Variants in TMEFF1 observed in about 807,000 individuals in gnomAD.
The protein encoded by TMEFF1 is tomoregulin-1.
Under a neutral mutation model 47.5 loss-of-function variants are expected in TMEFF1, and 20 were observed. That is an observed-to-expected ratio of 0.42 (90% CI 0.30 to 0.61). The LOEUF (loss-of-function observed/expected upper bound fraction) is 0.61. Among genes scored for constraint, TMEFF1 ranks in the 20% least tolerant of loss-of-function variants. The probability of loss-of-function intolerance (pLI) is 0.19; values close to 1 mark genes in which losing one functional copy is unlikely to be tolerated. For missense variants in TMEFF1, 411 were observed against 471.1 expected (o/e 0.87, Z 1.18); for synonymous variants, 162 against 166.3 (o/e 0.97, Z 0.20).
intron 2 of TMEFF1, among the ~76,000 whole-genome samples, chr9:100,503,612 T>A (rs934806218): frequency 1.3e-5 from 2 of 151,178 alleles, no homozygotes; most frequent in African/African-American, 4.9e-5. Context: ...AGGAATTAGC[T>A]CATTTGATTA....
chr9:100,497,944 A>C (rs1227882611), intron 1 of TMEFF1, among the ~76,000 whole-genome samples: 1 of 150,488 alleles, frequency 6.6e-6, no homozygotes, highest in Non-Finnish European at 1.5e-5. Context: ...TCATTTGTTT[A>C]TTGTTTGCCT....
At position 100,473,518 on chromosome 9, in the gene TMEFF1, G is replaced by A. The variant is rs1282715538; in HGVS notation, c.-27G>A. On this transcript the variant is annotated 5_prime_UTR_variant, in exon 1 of 10. Transcript: ENST00000374879. This position sits in a 1 kb window ranked among gnomAD's most constrained non-coding sequence, Gnocchi z 5.4. ...ATGCCCCCGGCCTGCGGCTCCCTGCGCTTCCCGCCGTCCAGGGGCACCAGT... is the reference window on the plus strand; with the variant it reads ...ATGCCCCCGGCCTGCGGCTCCCTGCACTTCCCGCCGTCCAGGGGCACCAGT... The A allele has an allele frequency of 6.9e-5, 96 of 1,395,984 alleles. No individual in the cohort carries two copies. The highest frequency in any genetic ancestry group is 8.2e-5 in the Non-Finnish European group (88 of 1,077,554). 86.5% of individuals were successfully genotyped at this position (1,395,984 alleles called of 1,614,324 possible).
At chr9:100,518,562 C>A in intron 5 of TMEFF1, 1 of 937,402 alleles carries the variant, frequency 1.1e-6, no homozygotes, top group Non-Finnish European at 1.3e-6. Context: ...ATTGATGCAA[C>A]AAGAGGAAAA....
intron 1 of TMEFF1, among the ~76,000 whole-genome samples, chr9:100,487,546 C>T (rs888285067): frequency 4.6e-5 from 7 of 152,138 alleles, no homozygotes; most frequent in African/African-American, 1.7e-4. Context: ...CAAGGTTATA[C>T]CATAAGCACA....
At chr9:100,542,923 C>CTTTTT (rs34994276) in intron 5 of TMEFF1, among the ~76,000 whole-genome samples, 11 of 104,580 alleles carry the variant, frequency 1.1e-4, no homozygotes, top group East Asian at 4.6e-4. Flanking sequence ...CTCTCTCTCT[C>CTTTTT]TTTTTTTTTT....
At chr9:100,479,190 A>G (rs1837292366) in intron 1 of TMEFF1, among the ~76,000 whole-genome samples, 1 of 152,176 alleles carries the variant, frequency 6.6e-6, no homozygotes, top group African/African-American at 2.4e-5. Context: ...GCAAACCTTG[A>G]TTGAATACTG....
intron 5 of TMEFF1, among the ~76,000 whole-genome samples, chr9:100,532,255 C>G (rs1421945513): frequency 1.3e-5 from 2 of 152,080 alleles, no homozygotes; most frequent in Non-Finnish European, 2.9e-5. Flanking sequence ...TCTAATTAAA[C>G]TAAAGAGCCT....
chr9:100,550,196 A>G (rs375105715), intron 7 of TMEFF1, 36 bp downstream of exon 7: 88 of 1,598,730 alleles, frequency 5.5e-5, no homozygotes, highest in East Asian at 6.8e-5. Context: ...TTGGCCAGCT[A>G]TGGAAATACG....
intron 2 of TMEFF1, among the ~76,000 whole-genome samples, chr9:100,508,786 A>G (rs1837909104): frequency 6.6e-6 from 1 of 151,190 alleles, no homozygotes; most frequent in South Asian, 2.1e-4. Context: ...AGAGATTTTC[A>G]TTCTCATTTT....
chr9:100,568,280 T>C (rs1425263751), intron 8 of TMEFF1, among the ~76,000 whole-genome samples: 1 of 152,192 alleles, frequency 6.6e-6, no homozygotes, highest in African/African-American at 2.4e-5. Context: ...ATCTAGGACA[T>C]TGTTACAGCT....
chr9:100,517,273 C>G (rs567546011), intron 5 of TMEFF1, among the ~76,000 whole-genome samples: 1 of 152,156 alleles, frequency 6.6e-6, no homozygotes. Flanking sequence ...GTGGTGCTGG[C>G]TTTTTGCATA....
rs369523033 is a variant in TMEFF1 at position 100,498,886 on chromosome 9, C to T, written c.306+12C>T. 34 of 1,604,990 alleles carry T rather than the reference C, an allele frequency of 2.1e-5. No individual in the cohort carries two copies. Among genetic ancestry groups the T allele is most frequent in the Admixed American group, 5.3e-5 (3 of 56,790 alleles). ...CATGCCAATTTCAGGTGAGGAAACCCAGCCTATTTTGAAAAGTTTTATATT... is the reference window on the plus strand; with the variant it reads ...CATGCCAATTTCAGGTGAGGAAACCTAGCCTATTTTGAAAAGTTTTATATT... On this transcript the variant is annotated intron_variant, in intron 2 of 9. Transcript: ENST00000374879.
At chr9:100,486,600 C>T (rs1016858231) in intron 1 of TMEFF1, among the ~76,000 whole-genome samples, 1 of 152,156 alleles carries the variant, frequency 6.6e-6, no homozygotes, top group Non-Finnish European at 1.5e-5. Flanking sequence ...TATGCTGGAG[C>T]CACTGTTGTT....
At chr9:100,565,167 CAT>C (rs970358551) in intron 8 of TMEFF1, among the ~76,000 whole-genome samples, 6 of 152,130 alleles carry the variant, frequency 3.9e-5, no homozygotes, top group African/African-American at 1.4e-4. Flanking sequence ...TGATTGAAGA[CAT>C]ACATTTGAGA....
intron 1 of TMEFF1, among the ~76,000 whole-genome samples, chr9:100,481,092 C>T (rs1204439983): frequency 6.6e-6 from 1 of 152,340 alleles, no homozygotes; most frequent in Middle Eastern, 3.4e-3. Flanking sequence ...GTTGTTTGCT[C>T]TAATGTCACC....
intron 5 of TMEFF1, among the ~76,000 whole-genome samples, chr9:100,521,688 C>A (rs1473528967): frequency 2.0e-5 from 3 of 152,194 alleles, no homozygotes; most frequent in African/African-American, 4.8e-5. Context: ...ATATACCCGA[C>A]CTAAATCCCT....
chr9:100,521,246 G>A (rs1242064711), intron 5 of TMEFF1, among the ~76,000 whole-genome samples: 6 of 152,120 alleles, frequency 3.9e-5, no homozygotes, highest in African/African-American at 1.4e-4. Context: ...AATTATTTTT[G>A]CTTCTAAGAG....
intron 9 of TMEFF1, among the ~76,000 whole-genome samples, chr9:100,574,427 C>T (rs934609766): frequency 6.6e-6 from 1 of 152,170 alleles, no homozygotes; most frequent in Non-Finnish European, 1.5e-5. Flanking sequence ...CTCTGTCATT[C>T]AGGCTGGAGT....
chr9:100,488,509 G>T (rs1275899512), intron 1 of TMEFF1, among the ~76,000 whole-genome samples: 3 of 152,178 alleles, frequency 2.0e-5, no homozygotes, highest in African/African-American at 4.8e-5. Flanking sequence ...GTGCCACTAT[G>T]TACTTCCACA....
Sources: gnomAD v4.1 joint callset for allele counts (sites outside exome capture counted in the v4.1 genomes callset) on GRCh38, gnomAD v4.1.1 for gene constraint, Gnocchi (gnomAD v3.1) non-coding constraint, MANE v1.5 for transcripts, NCBI Gene and HGNC (gene_info 2026-07-23, HGNC 2026-07-21) for gene names.